The following CCNY variants were observed in gnomAD, a reference collection of about 807,000 sequenced individuals.
CCNY encodes the protein cyclin Y, also known as cyclin-Y.
A neutral mutation model predicts 42.8 loss-of-function variants in CCNY; 19 were observed. The observed-to-expected ratio is 0.44, with a 90% CI of 0.31 to 0.65. The LOEUF (loss-of-function observed/expected upper bound fraction) is 0.65. CCNY is among the 30% of genes least tolerant of loss of function. CCNY has a pLI of 0.07. For missense variants in CCNY, 370 were observed against 437.3 expected, an observed-to-expected ratio of 0.85 and a Z score of 1.37; for synonymous variants, 165 against 162.7, an observed-to-expected ratio of 1.01 and a Z score of -0.11.
chr10:35,407,831 T>C (rs1461782438), intron 1 of CCNY, among the ~76,000 whole-genome samples: 2 of 151,996 alleles, frequency 1.3e-5, no homozygotes, highest in African/African-American at 4.8e-5. Context: ...CGCACTTGAC[T>C]TGCCACCAAG....
intron 1 of CCNY, among the ~76,000 whole-genome samples, chr10:35,442,347 A>G (rs544830438): frequency 6.6e-6 from 1 of 152,364 alleles, no homozygotes; most frequent in Non-Finnish European, 1.5e-5. Flanking sequence ...TTAAAAGGAC[A>G]TAAAATTAAC....
At chr10:35,408,557 C>T (rs1386737158) in intron 1 of CCNY, among the ~76,000 whole-genome samples, 1 of 150,382 alleles carries the variant, frequency 6.6e-6, no homozygotes, top group East Asian at 2.0e-4. Context: ...TATGAAGAAC[C>T]TTCTTAAGGG....
At chr10:35,515,473 T>C (rs916424495) in intron 3 of CCNY, among the ~76,000 whole-genome samples, 1 of 152,210 alleles carries the variant, frequency 6.6e-6, no homozygotes, top group Non-Finnish European at 1.5e-5. Flanking sequence ...TTTAAGATAT[T>C]GAACAGGGCA....
At chr10:35,543,415 A>G (rs975448497) in intron 7 of CCNY, among the ~76,000 whole-genome samples, 1 of 152,208 alleles carries the variant, frequency 6.6e-6, no homozygotes, top group African/African-American at 2.4e-5. Flanking sequence ...GTGCCACATA[A>G]TGGTGTTTCA....
chr10:35,363,404 T>C lies in CCNY; in HGVS notation c.154+26197T>C, dbSNP rs372649624. On this transcript the variant is annotated intron_variant, in intron 1 of 9. Transcript: ENST00000374704. ...AGGTGGTTGGGGGGCCGGGCAGAGG[T>C]GCTCCTCTCTTCCCAGACGGTGGGG... Among the ~76,000 whole-genome samples, 7 of 140,300 alleles carry C rather than the reference T, an allele frequency of 5.0e-5. No homozygotes were observed. In the East Asian group the frequency reaches 1.1e-3, roughly 22 times the overall value. 92.0% of individuals were successfully genotyped at this position (140,300 alleles called of 152,430 possible).
chr10:35,334,921 G>T (rs957684197), upstream of CCNY, among the ~76,000 whole-genome samples: 1 of 152,094 alleles, frequency 6.6e-6, no homozygotes, highest in South Asian at 2.1e-4. Context: ...GATTTGTCAC[G>T]AACAGGTACT....
chr10:35,504,116 C>T (rs1589164520), intron 3 of CCNY, among the ~76,000 whole-genome samples: 2 of 152,030 alleles, frequency 1.3e-5, no homozygotes, highest in Admixed American at 6.6e-5. Context: ...TTTGAAGAAC[C>T]CACTTAGTAC....
intron 4 of CCNY, among the ~76,000 whole-genome samples, chr10:35,523,295 T>C (rs1384416540): frequency 6.6e-6 from 1 of 152,198 alleles, no homozygotes; most frequent in African/African-American, 2.4e-5. Context: ...GCCCACTGTC[T>C]CAGGCCATCT....
chr10:35,262,675 T>C (rs911650286), intron 3 of CCNY, among the ~76,000 whole-genome samples: 1 of 152,102 alleles, frequency 6.6e-6, no homozygotes, highest in Non-Finnish European at 1.5e-5. Flanking sequence ...ATGAGTCAAT[T>C]ATAAACTAAT....
intron 1 of CCNY, among the ~76,000 whole-genome samples, chr10:35,471,020 G>A (rs980947393): frequency 2.6e-5 from 4 of 152,198 alleles, no homozygotes; most frequent in Admixed American, 1.3e-4. Context: ...AATAGAACTA[G>A]TGATGTCTTC....
chr10:35,548,499 T>C (rs886064837), intron 7 of CCNY, among the ~76,000 whole-genome samples: 2 of 152,024 alleles, frequency 1.3e-5, no homozygotes, highest in Non-Finnish European at 2.9e-5. Flanking sequence ...GGTTTCACCA[T>C]GTTGGCCAGG....
chr10:35,425,750 G>T (rs543685521), intron 1 of CCNY, among the ~76,000 whole-genome samples: 1 of 152,256 alleles, frequency 6.6e-6, no homozygotes, highest in South Asian at 2.1e-4. Context: ...TTGCTATGGA[G>T]GACTTTCTGC....
chr10:35,519,235 C>A (rs1396669872), intron 4 of CCNY, among the ~76,000 whole-genome samples: 7 of 131,784 alleles, frequency 5.3e-5, no homozygotes, highest in South Asian at 2.5e-4. Context: ...TTTGTAACAG[C>A]TCTTGATTGA....
chr10:35,373,729 G>T (rs1195918648), intron 1 of CCNY, among the ~76,000 whole-genome samples: 1 of 151,554 alleles, frequency 6.6e-6, no homozygotes, highest in Non-Finnish European at 1.5e-5. Flanking sequence ...TTTCTTTTCA[G>T]TAGCTTACTT....
intron 3 of CCNY, among the ~76,000 whole-genome samples, chr10:35,326,951 T>C (rs905196093): frequency 6.6e-6 from 1 of 152,182 alleles, no homozygotes; most frequent in African/African-American, 2.4e-5. Flanking sequence ...CTCCTGGTCT[T>C]ATAACCACGT....
At chr10:35,446,132 C>A (rs1438414270) in intron 1 of CCNY, among the ~76,000 whole-genome samples, 1 of 152,184 alleles carries the variant, frequency 6.6e-6, no homozygotes, top group Non-Finnish European at 1.5e-5. Context: ...CTGGAAACTT[C>A]TAAAATATAA....
chr10:35,458,214 T>C (rs567519647), intron 1 of CCNY, among the ~76,000 whole-genome samples: 1 of 152,224 alleles, frequency 6.6e-6, no homozygotes, highest in African/African-American at 2.4e-5. Flanking sequence ...CCCCACCCAT[T>C]GCACCTCAGA....
chr10:35,274,253 C>T (rs1835211461), intron 3 of CCNY, among the ~76,000 whole-genome samples: 1 of 152,266 alleles, frequency 6.6e-6, no homozygotes, highest in Admixed American at 6.5e-5. Flanking sequence ...CCTTGTGAGA[C>T]TTGTTCACTA....
chr10:35,258,645 G>T (rs1234091655), intron 3 of CCNY, among the ~76,000 whole-genome samples: 1 of 152,148 alleles, frequency 6.6e-6, no homozygotes, highest in Admixed American at 6.6e-5. Context: ...GGTTCAATCT[G>T]CCTTAGAAAC....
Sources: allele counts gnomAD v4.1 joint callset (sites outside exome capture counted in the v4.1 genomes callset), GRCh38; gene constraint gnomAD v4.1.1; transcripts MANE v1.5; gene names NCBI Gene and HGNC (gene_info 2026-07-23, HGNC 2026-07-21).